The following SLC22A3 variants were observed in gnomAD, a reference collection of about 807,000 sequenced individuals.
SLC22A3 encodes the protein solute carrier family 22 member 3.
SLC22A3 carries 51 observed loss-of-function variants against 59.1 expected under a neutral mutation model. That is an observed-to-expected ratio of 0.86 (90% CI 0.69 to 1.09). The LOEUF is 1.09. Ranked by LOEUF, SLC22A3 falls within the 50% of genes least tolerant of loss-of-function variation. The probability of loss-of-function intolerance (pLI) is 0.00; values close to 1 mark genes in which losing one functional copy is unlikely to be tolerated. For synonymous variants in SLC22A3, 325 were observed against 292.0 expected (o/e 1.11, Z -1.15); for missense variants, 711 against 726.3 (o/e 0.98, Z 0.24).
intron 9 of SLC22A3, among the ~76,000 whole-genome samples, chr6:160,446,353 A>T (rs1788744863): frequency 6.6e-6 from 1 of 152,214 alleles, no homozygotes; most frequent in African/African-American, 2.4e-5. Context: ...TTCGTTTGCC[A>T]CTGCTATAAA....
At chr6:160,353,230 G>A (rs1251890307) in intron 1 of SLC22A3, among the ~76,000 whole-genome samples, 1 of 152,184 alleles carries the variant, frequency 6.6e-6, no homozygotes, top group Non-Finnish European at 1.5e-5. Context: ...AATGCTTTCT[G>A]GACCTCAGAA....
intron 2 of SLC22A3, among the ~76,000 whole-genome samples, chr6:160,400,896 C>G (rs567339442): frequency 6.9e-6 from 1 of 145,336 alleles, no homozygotes; most frequent in South Asian, 2.2e-4. Flanking sequence ...AAATGAAAAA[C>G]GTTGTTACTG....
At chr6:160,359,784 A>G (rs1249508889) in intron 1 of SLC22A3, among the ~76,000 whole-genome samples, 1 of 152,242 alleles carries the variant, frequency 6.6e-6, no homozygotes, top group African/African-American at 2.4e-5. Flanking sequence ...CTGTTGACCT[A>G]TATTCTATAT....
chr6:160,393,280 TTTTA>T (rs538289113), intron 1 of SLC22A3, among the ~76,000 whole-genome samples: 16 of 151,432 alleles, frequency 1.1e-4, no homozygotes, highest in Admixed American at 5.9e-4. Context: ...TATTTATTTA[TTTTA>T]TTTATTTATT....
chr6:160,423,529 A>G (rs1471023232), intron 5 of SLC22A3, among the ~76,000 whole-genome samples: 1 of 152,132 alleles, frequency 6.6e-6, no homozygotes, highest in Non-Finnish European at 1.5e-5. Flanking sequence ...TTGCCATTCT[A>G]ACTGGTGTGA....
Position 160,348,725 on chromosome 6 carries a change from CT to C in SLC22A3, c.307del (p.Ser103ProfsTer59). The C allele has an allele frequency of 6.5e-7, 1 of 1,527,670 alleles. No homozygotes were observed. Among genetic ancestry groups the C allele is most frequent in the Non-Finnish European group, 8.7e-7 (1 of 1,143,774 alleles). The allele number at this position is 1,527,670 out of a possible 1,614,324, so 94.6% of individuals were successfully genotyped here. On this transcript the variant is annotated frameshift_variant, in exon 1 of 11. Transcript: ENST00000275300. LOFTEE classifies it high-confidence loss of function. ...YLLEAANDSA[S>X]ATSALSCADP... ...TCCTGGAGGCGGCCAACGACAGCGC[CT>C]CCGCCACTAGCGCTCTCAGCTGCGC...
chr6:160,369,085 T>C (rs2114769291), intron 1 of SLC22A3, among the ~76,000 whole-genome samples: 1 of 152,336 alleles, frequency 6.6e-6, no homozygotes, highest in East Asian at 1.9e-4. Flanking sequence ...TTGTCTCCAA[T>C]GCCATAATTT....
intron 9 of SLC22A3, 122 bp from the exon 10 acceptor site, chr6:160,447,597 A>G: frequency 1.3e-6 from 1 of 794,210 alleles, no homozygotes; most frequent in Non-Finnish European, 2.3e-6. Context: ...TGGGATGCAG[A>G]GGTTGCTGTG....
chr6:160,370,216 A>G (rs1311246150), intron 1 of SLC22A3, among the ~76,000 whole-genome samples: 1 of 152,222 alleles, frequency 6.6e-6, no homozygotes, highest in Admixed American at 6.5e-5. Context: ...GGAGAGTCAC[A>G]AGCCCTTCCT....
At chr6:160,387,631 T>C (rs1463207418) in intron 1 of SLC22A3, among the ~76,000 whole-genome samples, 1 of 152,026 alleles carries the variant, frequency 6.6e-6, no homozygotes, top group African/African-American at 2.4e-5. Context: ...CTCATGGGAG[T>C]AGTGTTTATA....
chr6:160,367,509 A>G (rs936572316), intron 1 of SLC22A3, among the ~76,000 whole-genome samples: 1 of 152,206 alleles, frequency 6.6e-6, no homozygotes, highest in African/African-American at 2.4e-5. Context: ...TTCAAGTGCT[A>G]TAAAAATAGC....
chr6:160,350,073 G>A (rs146173458), intron 1 of SLC22A3, among the ~76,000 whole-genome samples: 47 of 152,264 alleles, frequency 3.1e-4, no homozygotes, highest in African/African-American at 1.1e-3. Context: ...CACAGTGGAT[G>A]GCTCTATGCT....
intron 1 of SLC22A3, among the ~76,000 whole-genome samples, chr6:160,361,587 C>T (rs1785014097): frequency 6.6e-6 from 1 of 152,206 alleles, no homozygotes; most frequent in Non-Finnish European, 1.5e-5. Flanking sequence ...GTTCAACTCA[C>T]TTAATCCCTA....
At chr6:160,364,093 T>C (rs2661845) in intron 1 of SLC22A3, among the ~76,000 whole-genome samples, 39,613 of 151,990 alleles carry the variant, frequency 0.26, 5,624 homozygotes, top group Admixed American at 0.35. Context: ...CATGGTTAAA[T>C]AAATGTGGTG....
At chr6:160,367,325 G>A (rs1026992510) in intron 1 of SLC22A3, among the ~76,000 whole-genome samples, 1 of 152,118 alleles carries the variant, frequency 6.6e-6, no homozygotes, top group Non-Finnish European at 1.5e-5. Context: ...TATGAGAAGA[G>A]CAGCATGGAG....
rs538904222 is a variant in SLC22A3, at chr6:160,351,188, T to C, written c.429+2340T>C. Among the ~76,000 whole-genome samples, 20 of 152,336 alleles carry C rather than the reference T, an allele frequency of 1.3e-4. No individual in the cohort carries two copies. The South Asian group carries it at 3.9e-3, about 30-fold the overall frequency. ...TGGTGTGCAGTGGCGTGATCTCGGC[T>C]TACTGCAAGCTCCGCCTCCCAGGTT... On this transcript the variant is annotated intron_variant, in intron 1 of 10. Transcript: ENST00000275300.
chr6:160,422,305 C>T (rs955996102), intron 5 of SLC22A3, among the ~76,000 whole-genome samples: 2 of 152,190 alleles, frequency 1.3e-5, no homozygotes, highest in South Asian at 2.1e-4. Context: ...TGAGAAAACA[C>T]ATTGTCATTC....
At chr6:160,398,518 G>A (rs903214151) in intron 2 of SLC22A3, among the ~76,000 whole-genome samples, 1 of 151,724 alleles carries the variant, frequency 6.6e-6, no homozygotes, top group African/African-American at 2.4e-5. Context: ...CGAAATCCTT[G>A]TATTTTATTC....
intron 2 of SLC22A3, among the ~76,000 whole-genome samples, chr6:160,399,158 C>A (rs766485944): frequency 1.2e-4 from 19 of 152,118 alleles, no homozygotes; most frequent in Non-Finnish European, 2.6e-4. Flanking sequence ...CTCTCCACAG[C>A]TGTCCTTTGC....
Sources: gnomAD v4.1 joint callset for allele counts (sites outside exome capture counted in the v4.1 genomes callset) on GRCh38, gnomAD v4.1.1 for gene constraint, MANE v1.5 for transcripts, NCBI Gene and HGNC (gene_info 2026-07-23, HGNC 2026-07-21) for gene names.